Variants in MCTP2 observed in about 807,000 individuals in gnomAD.
MCTP2 encodes multiple C2 and transmembrane domain containing 2.
MCTP2 carries 132 observed loss-of-function variants against 111.6 expected under a neutral mutation model. The observed-to-expected ratio is 1.18, with a 90% CI of 1.03 to 1.37. The LOEUF is 1.37. Among genes scored for constraint, MCTP2 ranks in the 40% most tolerant of loss-of-function variants. The pLI, the probability that MCTP2 is intolerant of heterozygous loss-of-function variation, is 0.00. For missense variants in MCTP2, 1,183 were observed against 1,067.9 expected (o/e 1.11, Z -1.50); for synonymous variants, 395 against 387.7 (o/e 1.02, Z -0.22).
At chr15:94,290,330 A>T (rs1347301468) in intron 1 of MCTP2, among the ~76,000 whole-genome samples, 1 of 152,210 alleles carries the variant, frequency 6.6e-6, no homozygotes, top group East Asian at 1.9e-4. Flanking sequence ...GTTCCAATTG[A>T]AGTGGTAAAA....
At chr15:94,407,806 C>CACACACAT (rs2081978409) in intron 17 of MCTP2, among the ~76,000 whole-genome samples, 1 of 135,844 alleles carries the variant, frequency 7.4e-6, no homozygotes. Flanking sequence ...CACACACACA[C>CACACACAT]ACACACACAC....
chr15:94,341,489 C>G (rs922434642), intron 7 of MCTP2: 7 of 152,110 alleles, frequency 4.6e-5, no homozygotes, highest in African/African-American at 7.2e-5. Flanking sequence ...ATTTTTAAAG[C>G]CAATTGAAGT....
At chr15:94,450,901 C>G (rs916038735) in intron 19 of MCTP2, among the ~76,000 whole-genome samples, 2 of 152,098 alleles carry the variant, frequency 1.3e-5, no homozygotes, top group Non-Finnish European at 2.9e-5. Context: ...TAAAGTAACA[C>G]CCTGATTGTG....
chr15:94,243,731 G>GCT (rs1567253718), intron 1 of MCTP2, among the ~76,000 whole-genome samples: 1 of 50,260 alleles, frequency 2.0e-5, no homozygotes. Context: ...ACATACATAT[G>GCT]TGTATACATA....
chr15:94,464,684 A>C (rs890167727), intron 20 of MCTP2, among the ~76,000 whole-genome samples: 1 of 152,008 alleles, frequency 6.6e-6, no homozygotes, highest in East Asian at 1.9e-4. Context: ...CTCTAGCTCC[A>C]TGCCAAACAT....
chr15:94,281,240 G>A (rs1328703447), intron 1 of MCTP2, among the ~76,000 whole-genome samples: 1 of 152,170 alleles, frequency 6.6e-6, no homozygotes, highest in Admixed American at 6.5e-5. Context: ...GAATCTGGCT[G>A]CTCCAGTGTT....
intron 4 of MCTP2, among the ~76,000 whole-genome samples, chr15:94,333,423 A>G (rs1214832785): frequency 1.3e-5 from 2 of 151,832 alleles, no homozygotes; most frequent in African/African-American, 4.8e-5. Flanking sequence ...TTTTTTTAAA[A>G]ACCATTGCCA....
chr15:94,380,402 G>T (rs2080066221), intron 12 of MCTP2, among the ~76,000 whole-genome samples: 1 of 152,108 alleles, frequency 6.6e-6, no homozygotes, highest in Admixed American at 6.5e-5. Context: ...GCAGATAATT[G>T]CTTAGGTGGT....
intron 4 of MCTP2, among the ~76,000 whole-genome samples, chr15:94,338,712 C>T (rs769586060): frequency 6.6e-6 from 1 of 152,288 alleles, no homozygotes; most frequent in East Asian, 1.9e-4. Context: ...CTGGCTGAGA[C>T]AATGTTGGCT....
intron 1 of MCTP2, among the ~76,000 whole-genome samples, chr15:94,276,050 T>C (rs1227078572): frequency 6.6e-6 from 1 of 152,052 alleles, no homozygotes; most frequent in South Asian, 2.1e-4. Context: ...TTCACCGTGT[T>C]AGCCAGGATG....
chr15:94,250,891 G>A (rs1369717669), intron 1 of MCTP2, among the ~76,000 whole-genome samples: 1 of 152,186 alleles, frequency 6.6e-6, no homozygotes, highest in Non-Finnish European at 1.5e-5. Context: ...TTTATAGAGT[G>A]AGAGGCAGCA....
chr15:94,289,317 T>C (rs959759030), intron 1 of MCTP2, among the ~76,000 whole-genome samples: 1 of 152,182 alleles, frequency 6.6e-6, no homozygotes, highest in African/African-American at 2.4e-5. Flanking sequence ...CAGGAGAAAA[T>C]GGCACATCCG....
chr15:94,243,610 CAT>C lies in MCTP2; in HGVS notation c.-66+11949_-66+11950del, dbSNP rs553872446. ...ATATTTGTATATGTATGTATACACG[CAT>C]ATGTGTATATACGCATATGCGTATA... On this transcript the variant is annotated intron_variant, in intron 1 of 22. Transcript: ENST00000357742. Among the ~76,000 whole-genome samples the C allele has an allele frequency of 5.7e-4, 85 of 149,230 alleles. 1 individual carries two copies. The highest frequency in any genetic ancestry group is 1.8e-3 in the African/African-American group (73 of 40,630).
intron 1 of MCTP2, among the ~76,000 whole-genome samples, chr15:94,282,032 TGTATA>T (rs1367121850): frequency 1.3e-5 from 2 of 152,166 alleles, no homozygotes; most frequent in Non-Finnish European, 2.9e-5. Context: ...AAAGTCATCT[TGTATA>T]GTATCTTGCA....
intron 2 of MCTP2, among the ~76,000 whole-genome samples, chr15:94,299,089 G>A (rs1317114221): frequency 3.8e-5 from 5 of 129,900 alleles, no homozygotes; most frequent in Admixed American, 8.7e-5. Flanking sequence ...AGTTATTTTC[G>A]TGGTTAGCTC....
At chr15:94,438,657 A>G (rs2083608489) in intron 17 of MCTP2, among the ~76,000 whole-genome samples, 1 of 152,190 alleles carries the variant, frequency 6.6e-6, no homozygotes. Flanking sequence ...TCTTGATCTT[A>G]AAAATTATAC....
chr15:94,267,910 G>C (rs901782047), intron 1 of MCTP2, among the ~76,000 whole-genome samples: 11 of 98,904 alleles, frequency 1.1e-4, no homozygotes, highest in Non-Finnish European at 1.8e-4. Flanking sequence ...CTGTCGCCCA[G>C]GCTAGAGTGC....
chr15:94,456,182 C>A (rs1226229270), intron 19 of MCTP2, among the ~76,000 whole-genome samples: 1 of 152,122 alleles, frequency 6.6e-6, no homozygotes, highest in Admixed American at 6.5e-5. Flanking sequence ...TATAGTAAGA[C>A]TCTTTAGCCT....
At chr15:94,262,592 T>C (rs2073249031) in intron 1 of MCTP2, among the ~76,000 whole-genome samples, 1 of 152,208 alleles carries the variant, frequency 6.6e-6, no homozygotes, top group African/African-American at 2.4e-5. Context: ...GTATGTGTTA[T>C]ATTAATGGTG....
Sources: allele counts gnomAD v4.1 joint callset (sites outside exome capture counted in the v4.1 genomes callset), GRCh38; gene constraint gnomAD v4.1.1; transcripts MANE v1.5; gene names NCBI Gene and HGNC (gene_info 2026-07-23, HGNC 2026-07-21).